Variants in UBAP2 observed in about 807,000 individuals in gnomAD.
UBAP2 encodes the protein ubiquitin-associated protein 2.
A neutral mutation model predicts 139.6 loss-of-function variants in UBAP2; 75 were observed. That is an observed-to-expected ratio of 0.54 (90% CI 0.45 to 0.65). UBAP2 has a LOEUF of 0.65. UBAP2 is among the 30% of genes least tolerant of loss of function. UBAP2 has a pLI of 0.00. For missense variants in UBAP2, 1,368 were observed against 1,369.6 expected (o/e 1.00, Z 0.02); for synonymous variants, 526 against 526.2 (o/e 1.00, Z 0.01).
In UBAP2 at chr9:33,923,017, T is replaced by G. The variant is rs766846461; in HGVS notation, c.3021A>C (p.Ser1007=). ...TCATATCAGGTAGACCAGTGGTGCTTGAAGACACTGATACTCCTAGGAGGA... is the reference window on the plus strand; with the variant it reads ...TCATATCAGGTAGACCAGTGGTGCTGGAAGACACTGATACTCCTAGGAGGA... ...SGPGKGVSVS[S]STTGLPDMTG... The change falls in exon 27 of 29, where the codon TCA becomes TCC. Residue 1007 remains serine, a synonymous_variant. Coordinates refer to ENST00000379238, the MANE Select transcript of UBAP2 (RefSeq NM_001370062.2). 3.7e-6 allele frequency: 6 copies of G among 1,614,154 alleles called. No individual in the cohort carries two copies. In the South Asian group the frequency reaches 6.6e-5, roughly 18 times the overall value.
intron 2 of UBAP2, among the ~76,000 whole-genome samples, chr9:34,010,740 G>C (rs550093361): frequency 6.8e-4 from 104 of 152,138 alleles, no homozygotes; most frequent in African/African-American, 2.5e-3. Flanking sequence ...TGGTAGATGT[G>C]TTAAACAGGA....
chr9:34,037,929 G>A (rs1826582269), intron 1 of UBAP2, among the ~76,000 whole-genome samples: 1 of 150,358 alleles, frequency 6.7e-6, no homozygotes, highest in Non-Finnish European at 1.5e-5. Flanking sequence ...ACTTTGGGAG[G>A]CTGAGGTGAG....
At chr9:33,973,025 A>G (rs1828025278) in intron 7 of UBAP2, among the ~76,000 whole-genome samples, 158 bp downstream of exon 7, 1 of 152,178 alleles carries the variant, frequency 6.6e-6, no homozygotes, top group African/African-American at 2.4e-5. Context: ...TAAAAGATCA[A>G]TTTTATTCAT....
At chr9:34,043,758 C>T (rs1029760580) in intron 1 of UBAP2, among the ~76,000 whole-genome samples, 22 of 151,436 alleles carry the variant, frequency 1.5e-4, no homozygotes, top group Non-Finnish European at 2.9e-4. Flanking sequence ...CCTCCCAAAG[C>T]GTTGGAATTA....
intron 2 of UBAP2, among the ~76,000 whole-genome samples, chr9:34,009,898 C>A (rs1279806490): frequency 6.7e-6 from 1 of 149,976 alleles, no homozygotes; most frequent in East Asian, 2.0e-4. Flanking sequence ...ACTTCCGCCT[C>A]CTGGGTTCAA....
chr9:34,015,927 C>T (rs1824210367), intron 2 of UBAP2, among the ~76,000 whole-genome samples: 1 of 152,132 alleles, frequency 6.6e-6, no homozygotes, highest in African/African-American at 2.4e-5. Flanking sequence ...CCTCAGCCTC[C>T]CAAAGTGTTG....
chr9:34,024,645 A>G (rs1825254694), intron 1 of UBAP2, among the ~76,000 whole-genome samples: 1 of 151,382 alleles, frequency 6.6e-6, no homozygotes, highest in Non-Finnish European at 1.5e-5. Flanking sequence ...CTTTAACAGG[A>G]TGCATGATTC....
chr9:34,021,148 G>A (rs1011229641), intron 1 of UBAP2, among the ~76,000 whole-genome samples: 20 of 152,006 alleles, frequency 1.3e-4, no homozygotes, highest in African/African-American at 4.8e-4. Flanking sequence ...ACTAATTCAG[G>A]TACCAAAGAA....
chr9:34,045,904 CCT>C (rs1216758663), intron 1 of UBAP2, among the ~76,000 whole-genome samples: 1 of 152,094 alleles, frequency 6.6e-6, no homozygotes, highest in Non-Finnish European at 1.5e-5. Context: ...ACATGTCCTC[CCT>C]CTCTTTGCCT....
At chr9:33,972,138 T>C (rs759503451) in intron 7 of UBAP2, among the ~76,000 whole-genome samples, 1 of 152,246 alleles carries the variant, frequency 6.6e-6, no homozygotes, top group African/African-American at 2.4e-5. Context: ...GAATCCAAGT[T>C]TGGCTTTTAC....
intron 6 of UBAP2, among the ~76,000 whole-genome samples, chr9:33,977,464 T>C (rs1820248509): frequency 6.6e-6 from 1 of 152,192 alleles, no homozygotes; most frequent in Non-Finnish European, 1.5e-5. Flanking sequence ...TCTGTGTATA[T>C]ACCATTTCCC....
intron 8 of UBAP2, among the ~76,000 whole-genome samples, chr9:33,966,411 G>A (rs986412383): frequency 6.6e-5 from 10 of 151,688 alleles, no homozygotes; most frequent in Admixed American, 2.6e-4. Context: ...AGTTGAGATC[G>A]CAACACTGCA....
At chr9:33,970,585 C>CA (rs11386999) in intron 8 of UBAP2, among the ~76,000 whole-genome samples, 48,369 of 151,678 alleles carry the variant, frequency 0.32, 8,341 homozygotes, top group African/African-American at 0.45. Context: ...TGCACACCAC[C>CA]ATGCCATGCT....
intron 6 of UBAP2, 98 bp from the exon 7 acceptor site, chr9:33,973,335 T>C: frequency 7.7e-7 from 1 of 1,305,544 alleles, no homozygotes; most frequent in Non-Finnish European, 1.1e-6. Flanking sequence ...GACAATATTA[T>C]CATTATTCCT....
intron 17 of UBAP2, chr9:33,935,610 A>T (rs1168145877): frequency 1.7e-6 from 1 of 584,840 alleles, no homozygotes; most frequent in Non-Finnish European, 3.0e-6. Context: ...CTTGTGGTGC[A>T]GTCTGATTAG....
At chr9:34,001,531 T>A (rs1175367720) in intron 2 of UBAP2, among the ~76,000 whole-genome samples, 1 of 152,222 alleles carries the variant, frequency 6.6e-6, no homozygotes, top group Non-Finnish European at 1.5e-5. Context: ...CATGTCATTG[T>A]GGCAGCTGGC....
intron 12 of UBAP2, among the ~76,000 whole-genome samples, chr9:33,950,380 C>T (rs1313949905): frequency 2.0e-5 from 3 of 152,140 alleles, no homozygotes; most frequent in African/African-American, 7.2e-5. Flanking sequence ...CCAAAAATAA[C>T]ATTTCATATC....
chr9:34,006,271 T>C (rs13284581), intron 2 of UBAP2, among the ~76,000 whole-genome samples: 10,290 of 149,182 alleles, frequency 0.069, 495 homozygotes, highest in Non-Finnish European at 0.1. Flanking sequence ...AACTGGACTC[T>C]AAAAGAACAA....
In UBAP2 at chr9:33,927,039, G is replaced by A. The variant is rs1372154401; in HGVS notation, c.2413C>T (p.Leu805=). 6.2e-7 allele frequency: 1 copy of A among 1,613,922 alleles called. No homozygotes were observed. Among genetic ancestry groups the A allele is most frequent in the African/African-American group, 1.3e-5 (1 of 75,056 alleles). Residue 805 remains leucine (L), a synonymous_variant, in exon 21 of 29, where the codon CTG becomes TTG. Coordinates refer to ENST00000379238, the MANE Select transcript of UBAP2 (RefSeq NM_001370062.2). ...GGACCTACGAGGTACTGGTTGTGCA[G>A]CAGGGGAGGCACCCCCTGAGGTAAG... ...PNLPQGVPPL[L]HNQYLVGPGG... is the part of the protein sequence containing the mutation.
Sources: allele counts gnomAD v4.1 joint callset (sites outside exome capture counted in the v4.1 genomes callset), GRCh38; gene constraint gnomAD v4.1.1; transcripts MANE v1.5; gene names NCBI Gene and HGNC (gene_info 2026-07-23, HGNC 2026-07-21).